HNF1A: variants seen among roughly 807,000 people sequenced by gnomAD.
HNF1A encodes the protein hepatocyte nuclear factor 1-alpha.
In HNF1A, 21 loss-of-function variants were observed where a neutral mutation model predicts 62.2. That is an observed-to-expected ratio of 0.34 (90% CI 0.24 to 0.49). HNF1A has a LOEUF of 0.49. Ranked by LOEUF, HNF1A falls within the 20% of genes least tolerant of loss-of-function variation. HNF1A has a pLI of 0.99. For missense variants in HNF1A, 687 were observed against 832.3 expected (o/e 0.83, Z 2.15); for synonymous variants, 374 against 366.8 (o/e 1.02, Z -0.22).
Position 121,002,293 on chromosome 12 carries a change from G to T in HNF1A, c.*1101G>T. 1 of 443,722 alleles carries T rather than the reference G, an allele frequency of 2.3e-6. No homozygotes were observed. Among genetic ancestry groups the T allele is most frequent in the Non-Finnish European group, 4.3e-6 (1 of 234,042 alleles). The allele number at this position is 443,722 out of a possible 1,614,324, so 27.5% of individuals were successfully genotyped here. On this transcript the variant is annotated 3_prime_UTR_variant, in exon 10 of 10. Coordinates refer to ENST00000257555, the MANE Select transcript of HNF1A (RefSeq NM_000545.8). ...CACCCTGAGGAGTCTGAGGTCCTGAGCACTGCCAGGAGGGACAAAGGAGCC... is the reference window on the plus strand; with the variant it reads ...CACCCTGAGGAGTCTGAGGTCCTGATCACTGCCAGGAGGGACAAAGGAGCC...
chr12:121,002,381 G>A lies in HNF1A; in HGVS notation c.*1189G>A, dbSNP rs1479056288. On this transcript the variant is annotated 3_prime_UTR_variant, in exon 10 of 10. Coordinates refer to ENST00000257555, the MANE Select transcript of HNF1A (RefSeq NM_000545.8). Reference sequence around the variant, plus strand: ...CCTGCTGCTGAGAACCTGGCCTTCAGTGTACCGCGTCTACCCTGGGATTCA... The same window carrying A: ...CCTGCTGCTGAGAACCTGGCCTTCAATGTACCGCGTCTACCCTGGGATTCA... 7.8e-6 allele frequency: 4 copies of A among 512,988 alleles called. No homozygotes were observed. The highest frequency in any genetic ancestry group is 1.5e-5 in the Non-Finnish European group (4 of 266,994). 31.8% of individuals were successfully genotyped at this position (512,988 alleles called of 1,614,324 possible). A position where few individuals can be genotyped will look rare whatever the true frequency, so the allele number is the denominator to read the frequency against.
intron 1 of HNF1A, among the ~76,000 whole-genome samples, chr12:120,983,916 C>CTCTGTGTGTGTG (rs1484410766): frequency 7.3e-6 from 1 of 137,278 alleles, no homozygotes; most frequent in African/African-American, 2.8e-5. Flanking sequence ...CTTGAAGACT[C>CTCTGTGTGTGTG]TGTGTGTGTG....
chr12:120,991,005 A>G (rs1473457416), intron 2 of HNF1A, among the ~76,000 whole-genome samples: 4 of 152,202 alleles, frequency 2.6e-5, no homozygotes, highest in Non-Finnish European at 5.9e-5. Context: ...TGAGAGATTG[A>G]TGGATCTCAT....
chr12:121,001,333 T>C lies in HNF1A; in HGVS notation c.*141T>C. 9.4e-7 allele frequency: 1 copy of C among 1,059,304 alleles called. No homozygotes were observed. Among genetic ancestry groups the C allele is most frequent in the Non-Finnish European group, 1.4e-6 (1 of 725,838 alleles). The allele number at this position is 1,059,304 out of a possible 1,614,324, so 65.6% of individuals were successfully genotyped here. ...CTGTGCCTCGCTCCCCACTCTGCTC[T>C]GATGCATCAGAAAGGGAGGGCTCTG... On this transcript the variant is annotated 3_prime_UTR_variant, in exon 10 of 10. Coordinates refer to ENST00000257555, the MANE Select transcript of HNF1A (RefSeq NM_000545.8).
Position 120,990,662 on chromosome 12 carries a change from GAGGAAAGGTAGGAAAGGGAGGA to G in HNF1A, c.526+1636_526+1657del, listed in dbSNP as rs1327074502. On this transcript the variant is annotated intron_variant, in intron 2 of 9. Coordinates refer to ENST00000257555, the MANE Select transcript of HNF1A (RefSeq NM_000545.8). Reference sequence around the variant, plus strand: ...GGAAAGGGAGGAAAGGTAGGAAAGGGAGGAAAGGTAGGAAAGGGAGGAAGGAAGGAAGGAAGGAAAAGAAAAG... The same window carrying G: ...GGAAAGGGAGGAAAGGTAGGAAAGGGAGGAAGGAAGGAAGGAAAAGAAAAG... 4.5e-4 allele frequency among the ~76,000 whole-genome samples: 66 copies of G among 147,212 alleles called. 1 individual carries two copies. The highest frequency in any genetic ancestry group is 6.7e-4 in the Admixed American group (10 of 14,832).
In HNF1A at chr12:121,001,218, G is replaced by A. The variant is rs779177521; in HGVS notation, c.*26G>A. 96 of 1,612,990 alleles carry A rather than the reference G, an allele frequency of 6.0e-5. No homozygotes were observed. The South Asian group carries it at 9.6e-4, about 16-fold the overall frequency. ...CCACGGCACCTGGGCCCTGGGGCCT[G>A]TACTGCCTGCTTGGGGGGTGATGAG... On this transcript the variant is annotated 3_prime_UTR_variant, in exon 10 of 10. Transcript: ENST00000257555.
At chr12:121,000,532 C>T (rs986340360) in intron 9 of HNF1A, 7 of 195,100 alleles carry the variant, frequency 3.6e-5, no homozygotes, top group Non-Finnish European at 6.4e-5. Flanking sequence ...GGACTTGGCC[C>T]GTGTCTGCGG....
At position 120,979,041 on chromosome 12, in the gene HNF1A, C is replaced by T. The variant is rs748298431; in HGVS notation, c.273C>T (p.Asn91=). 2 of 1,612,252 alleles carry T rather than the reference C, an allele frequency of 1.2e-6. No individual in the cohort carries two copies. Among genetic ancestry groups the T allele is most frequent in the Non-Finnish European group, 1.7e-6 (2 of 1,179,282 alleles). The part of the protein sequence containing the change: ...FTPPILKELE[N]LSPEEAAHQK... ...CACCCATCCTCAAAGAGCTGGAGAACCTCAGCCCTGAGGAGGCGGCCCACC... is the reference window on the plus strand; with the variant it reads ...CACCCATCCTCAAAGAGCTGGAGAATCTCAGCCCTGAGGAGGCGGCCCACC... The change falls in exon 1 of 10, where the codon AAC becomes AAT. Residue 91 remains asparagine, a synonymous_variant. Coordinates refer to ENST00000257555, the MANE Select transcript of HNF1A (RefSeq NM_000545.8).
intron 1 of HNF1A, among the ~76,000 whole-genome samples, chr12:120,979,953 G>A (rs1273862214): frequency 6.6e-6 from 1 of 152,218 alleles, no homozygotes; most frequent in Non-Finnish European, 1.5e-5. Context: ...CCTAGTGGGG[G>A]TGGGGGATGG....
rs141304623 is a variant in HNF1A at position 120,999,581 on chromosome 12, C to A, written c.1722C>A (p.Ser574Arg). ...ACGTCCCCAGCCAGGACCCTGCCAG[C>A]ATCCAGCACCTGCAGCCGGCCCACC... ...TLHVPSQDPA[S>R]IQHLQPAHRL... Residue 574 changes from serine to arginine, a missense_variant, in exon 9 of 10, where the codon AGC becomes AGA. Physicochemically the swap from Ser to Arg is moderately radical, Grantham distance 110. Transcript: ENST00000257555. 291 of 1,612,424 alleles carry A rather than the reference C, an allele frequency of 1.8e-4. 2 individuals carry two copies. The African/African-American group carries it at 3.6e-3, about 20-fold the overall frequency.
intron 2 of HNF1A, among the ~76,000 whole-genome samples, chr12:120,990,616 A>ATAGGAAAGGGAGGAAAGG (rs1565884430): frequency 5.6e-5 from 8 of 143,982 alleles, no homozygotes; most frequent in Non-Finnish European, 7.6e-5. Flanking sequence ...GGGAGGAAAG[A>ATAGGAAAGGGAGGAAAGG]TAGGAAAGGG....
At position 121,002,238 on chromosome 12, in the gene HNF1A, G is replaced by A; in HGVS notation, c.*1046G>A. The A allele has an allele frequency of 9.1e-6, 4 of 440,630 alleles. No individual in the cohort carries two copies. In the Middle Eastern group the frequency reaches 1.4e-3, roughly 152 times the overall value. The allele number at this position is 440,630 out of a possible 1,614,324, so 27.3% of individuals were successfully genotyped here. A position where few individuals can be genotyped will look rare whatever the true frequency, so the allele number is the denominator to read the frequency against. The stretch of plus-strand genomic sequence containing the variant: ...ACAGGACTAACACTCAGAAGCCTGG[G>A]GGCCTGGCTGGCTGAGGGCAGTTCG... On this transcript the variant is annotated 3_prime_UTR_variant, in exon 10 of 10. Transcript: ENST00000257555.
intron 4 of HNF1A, among the ~76,000 whole-genome samples, chr12:120,995,792 G>A (rs372434343): frequency 2.0e-5 from 3 of 150,892 alleles, no homozygotes; most frequent in East Asian, 3.9e-4. Flanking sequence ...CACTCCACTC[G>A]ACTGTACCCA....
Position 120,996,568 on chromosome 12 carries a change from C to T in HNF1A, c.1135C>T (p.Pro379Ser), listed in dbSNP as rs754729248. ...CTCAGCAGCTGGGGGCCCCCTCCCC[C>T]CTGTCAGCACCCTGACAGCACTGCA... is the stretch of plus-strand genomic sequence containing the variant. ...LVSAAGGPLP[P>S]VSTLTALHSL... Residue 379 changes from proline to serine, a missense_variant, in exon 6 of 10, where the codon CCT (proline) becomes TCT (serine). Physicochemically the swap from Pro to Ser is moderately conservative, Grantham distance 74. Coordinates refer to ENST00000257555, the MANE Select transcript of HNF1A (RefSeq NM_000545.8). This position sits in a 1 kb window ranked among gnomAD's most constrained non-coding sequence, Gnocchi z 4.5. 1.5e-5 allele frequency: 25 copies of T among 1,613,928 alleles called. No individual in the cohort carries two copies. The highest frequency in any genetic ancestry group is 1.5e-4 in the South Asian group (14 of 91,074).
At chr12:120,997,762 C>A in intron 7 of HNF1A, 97 bp downstream of exon 7, 1 of 1,267,720 alleles carries the variant, frequency 7.9e-7, no homozygotes, top group South Asian at 1.3e-5. Flanking sequence ...TTGCAGTCTG[C>A]ATGTGTCTCT....
intron 2 of HNF1A, among the ~76,000 whole-genome samples, chr12:120,989,619 T>A (rs1163416656): frequency 6.6e-6 from 1 of 152,238 alleles, no homozygotes; most frequent in East Asian, 1.9e-4. Context: ...AAGCTCATTA[T>A]GATCCAGCGA....
chr12:120,985,237 T>C lies in HNF1A; in HGVS notation c.327-3596T>C, dbSNP rs139200069. 2.7e-3 allele frequency among the ~76,000 whole-genome samples: 404 copies of C among 150,962 alleles called. 3 individuals are homozygous for C. The highest frequency in any genetic ancestry group is 8.8e-3 in the African/African-American group (364 of 41,218). ...CTGGGACTACAGGTGTGCACCACCA[T>C]GCCTGGCTAATTTATTTTTTTTTTT... On this transcript the variant is annotated intron_variant, in intron 1 of 9. Transcript: ENST00000257555.
intron 1 of HNF1A, among the ~76,000 whole-genome samples, chr12:120,988,593 CAT>C (rs1432895384): frequency 3.9e-5 from 6 of 152,224 alleles, no homozygotes; most frequent in Admixed American, 3.9e-4. Flanking sequence ...CCACGTTTGT[CAT>C]GTGTGTGCGT....
intron 2 of HNF1A, among the ~76,000 whole-genome samples, chr12:120,991,165 A>T (rs1440026635): frequency 6.6e-6 from 1 of 152,246 alleles, no homozygotes; most frequent in Non-Finnish European, 1.5e-5. Context: ...TGTCTGTAGG[A>T]TAAATTCCTA....
Sources: allele counts gnomAD v4.1 joint callset (sites outside exome capture counted in the v4.1 genomes callset), GRCh38; gene constraint gnomAD v4.1.1; non-coding constraint Gnocchi (gnomAD v3.1); transcripts MANE v1.5; gene names NCBI Gene and HGNC (gene_info 2026-07-23, HGNC 2026-07-21).